MBOAT2: variants seen among roughly 807,000 people sequenced by gnomAD.
MBOAT2 encodes the protein membrane bound glycerophospholipid O-acyltransferase 2, also known as membrane-bound glycerophospholipid O-acyltransferase 2.
In MBOAT2, 28 loss-of-function variants were observed where a neutral mutation model predicts 63.4. That is an observed-to-expected ratio of 0.44 (90% CI 0.33 to 0.61). The LOEUF is 0.61. Among genes scored for constraint, MBOAT2 ranks in the 20% least tolerant of loss-of-function variants. The pLI is 0.03. For missense variants in MBOAT2, 470 were observed against 605.8 expected (o/e 0.78, Z 2.35); for synonymous variants, 211 against 215.6 (o/e 0.98, Z 0.19).
intron 8 of MBOAT2, among the ~76,000 whole-genome samples, chr2:8,870,848 G>A (rs1662264092): frequency 6.6e-6 from 1 of 152,120 alleles, no homozygotes; most frequent in Non-Finnish European, 1.5e-5. Context: ...AAGAATCAGG[G>A]AAAAGGAATT....
At chr2:8,998,955 A>G (rs146129528) in intron 1 of MBOAT2, among the ~76,000 whole-genome samples, 1 of 152,304 alleles carries the variant, frequency 6.6e-6, no homozygotes, top group East Asian at 1.9e-4. Context: ...ACTTTATCTG[A>G]CTTCACCAGG....
At chr2:8,919,214 T>A (rs1179856882) in intron 3 of MBOAT2, among the ~76,000 whole-genome samples, 1 of 152,246 alleles carries the variant, frequency 6.6e-6, no homozygotes, top group African/African-American at 2.4e-5. Flanking sequence ...CTACTCTATG[T>A]GGACATACGT....
intron 3 of MBOAT2, among the ~76,000 whole-genome samples, chr2:8,927,448 A>G (rs1303588378): frequency 6.6e-6 from 1 of 152,206 alleles, no homozygotes; most frequent in Non-Finnish European, 1.5e-5. Context: ...GCCGAAACCC[A>G]TCAATTAAAA....
chr2:8,866,889 T>TG (rs1661935796), intron 9 of MBOAT2, among the ~76,000 whole-genome samples: 1 of 152,238 alleles, frequency 6.6e-6, no homozygotes, highest in African/African-American at 2.4e-5. Context: ...AGTGATGGCC[T>TG]GCATTTCTTA....
At chr2:8,897,231 T>C (rs1204455631) in intron 4 of MBOAT2, among the ~76,000 whole-genome samples, 1 of 147,192 alleles carries the variant, frequency 6.8e-6, no homozygotes, top group African/African-American at 2.6e-5. Flanking sequence ...GTCTCCTTCT[T>C]TGTCTCTCTT....
At chr2:8,945,750 G>A (rs745511938) in intron 2 of MBOAT2, among the ~76,000 whole-genome samples, 8 of 151,656 alleles carry the variant, frequency 5.3e-5, no homozygotes, top group Admixed American at 1.3e-4. Context: ...GTCACAAAAC[G>A]TTAGTTTGTT....
At chr2:8,980,864 A>G (rs1287880693) in intron 1 of MBOAT2, among the ~76,000 whole-genome samples, 3 of 152,084 alleles carry the variant, frequency 2.0e-5, no homozygotes, top group Admixed American at 6.5e-5. Context: ...TATACACAAG[A>G]TAACTGAAAA....
At chr2:8,984,841 CT>C (rs1294101558) in intron 1 of MBOAT2, among the ~76,000 whole-genome samples, 1 of 152,174 alleles carries the variant, frequency 6.6e-6, no homozygotes, top group East Asian at 1.9e-4. Flanking sequence ...AATATCAATC[CT>C]TCAGCCTCCC....
rs34746738 is a variant in MBOAT2, at chr2:8,856,312, AACACACAC to A, written c.*2359_*2366del. ...GGCTAGATAGGCTGAACCAAAAAAA[AACACACAC>A]ACACACACACACACACACACGAACA... On this transcript the variant is annotated 3_prime_UTR_variant, in exon 13 of 13. Transcript: ENST00000305997. The surrounding 1 kb of genome is among the most constrained non-coding windows in gnomAD (Gnocchi z 4.2). The A allele has an allele frequency of 2.8e-5, 4 of 143,736 alleles. No homozygotes were observed. The South Asian group carries it at 8.5e-4, about 31-fold the overall frequency. The allele number at this position is 143,736 out of a possible 1,614,324, so 8.9% of individuals were successfully genotyped here. A position where few individuals can be genotyped will look rare whatever the true frequency, so the allele number is the denominator to read the frequency against.
At chr2:8,868,669 G>A in intron 8 of MBOAT2, 120 bp from the exon 9 acceptor site, 2 of 796,008 alleles carry the variant, frequency 2.5e-6, no homozygotes, top group Non-Finnish European at 2.0e-6. Flanking sequence ...GATTTATTCT[G>A]ATTTTTAAGT....
chr2:8,882,402 T>TG (rs1663204919), intron 6 of MBOAT2, 109 bp downstream of exon 6: 10 of 1,103,590 alleles, frequency 9.1e-6, no homozygotes, highest in Admixed American at 2.0e-5. Context: ...GGCTTGATTT[T>TG]CAGAAGTAAG....
At chr2:8,908,465 T>C (rs1188581798) in intron 4 of MBOAT2, 156 bp downstream of exon 4, 13 of 575,784 alleles carry the variant, frequency 2.3e-5, no homozygotes, top group Non-Finnish European at 1.9e-5. Context: ...AAAAGACTAC[T>C]TACAAGAGAG....
At chr2:8,970,807 C>A (rs537997837) in intron 1 of MBOAT2, among the ~76,000 whole-genome samples, 36 of 152,290 alleles carry the variant, frequency 2.4e-4, no homozygotes, top group African/African-American at 8.2e-4. Flanking sequence ...ATACACCCTC[C>A]CAAGACTAAA....
chr2:8,996,583 G>A (rs1346925651), intron 1 of MBOAT2, among the ~76,000 whole-genome samples: 1 of 152,178 alleles, frequency 6.6e-6, no homozygotes, highest in Non-Finnish European at 1.5e-5. Context: ...GTTCGCTGTA[G>A]GCTGGCTGCG....
rs138583157 is a variant in MBOAT2 at position 8,993,680 on chromosome 2, T to C, written c.75+9860A>G. ...CCTTCCTAACTTCCTCAGCAGGACC[T>C]GGCCCTCTCTACCAGGAAGTGCTCC... On this transcript the variant is annotated intron_variant, in intron 1 of 12. Coordinates refer to ENST00000305997, the MANE Select transcript of MBOAT2 (RefSeq NM_138799.4). 3.6e-3 allele frequency among the ~76,000 whole-genome samples: 544 copies of C among 152,274 alleles called. 7 individuals are homozygous for C. The highest frequency in any genetic ancestry group is 0.02 in the South Asian group (96 of 4,820).
chr2:8,968,885 G>A (rs1034251910), intron 1 of MBOAT2, among the ~76,000 whole-genome samples: 1 of 152,140 alleles, frequency 6.6e-6, no homozygotes, highest in Non-Finnish European at 1.5e-5. Flanking sequence ...TATGTGAAAA[G>A]ACCAAATCTA....
intron 3 of MBOAT2, among the ~76,000 whole-genome samples, chr2:8,911,657 T>C (rs958466401): frequency 1.3e-5 from 2 of 152,074 alleles, no homozygotes; most frequent in African/African-American, 2.4e-5. Flanking sequence ...TGAGAACTGG[T>C]TGTTAAAAAC....
chr2:8,932,345 C>CA (rs1424459304), intron 3 of MBOAT2, among the ~76,000 whole-genome samples: 1 of 152,094 alleles, frequency 6.6e-6, no homozygotes, highest in Non-Finnish European at 1.5e-5. Context: ...CTATTATACT[C>CA]AGATATTTAT....
Position 8,877,101 on chromosome 2 carries a change from A to G in MBOAT2, c.619T>C (p.Tyr207His). The G allele has an allele frequency of 6.2e-7, 1 of 1,614,110 alleles. No homozygotes were observed. Among genetic ancestry groups the G allele is most frequent in the Non-Finnish European group, 8.5e-7 (1 of 1,179,992 alleles). Residue 207 changes from tyrosine to histidine, a missense_variant, in exon 7 of 13, where the codon TAC (tyrosine) becomes CAC (histidine). This residue lies in a region of MBOAT2 where 376 missense variants were observed against 503.8 expected (regional missense o/e 0.75). Transcript: ENST00000305997. ...TTTTCACCAGATTGTGTGATATGGT[A>G]TGATCTGCCTTCAATGAAAGTAATG... ...DYITFIEGRS[Y>H]HITQSGENGK...
Sources: gnomAD v4.1 joint callset for allele counts (sites outside exome capture counted in the v4.1 genomes callset) on GRCh38, gnomAD v4.1.1 for gene constraint, gnomAD v4.1.1 regional missense constraint, Gnocchi (gnomAD v3.1) non-coding constraint, MANE v1.5 for transcripts, NCBI Gene and HGNC (gene_info 2026-07-23, HGNC 2026-07-21) for gene names.